The following NUP205 variants were observed in gnomAD, a reference collection of about 807,000 sequenced individuals.
NUP205 encodes nucleoporin 205, also known as nuclear pore complex protein Nup205.
A neutral mutation model predicts 253.8 loss-of-function variants in NUP205; 76 were observed. The ratio of observed to expected loss-of-function variants is 0.30; its 90% CI spans 0.25 to 0.36. NUP205 has a LOEUF of 0.36. Ranked by LOEUF, NUP205 falls within the 10% of genes least tolerant of loss-of-function variation. The probability of loss-of-function intolerance (pLI) is 1.00; values close to 1 mark genes in which losing one functional copy is unlikely to be tolerated. For missense variants in NUP205, 2,162 were observed against 2,425.5 expected, an observed-to-expected ratio of 0.89 and a Z score of 2.28; for synonymous variants, 832 against 850.1, an observed-to-expected ratio of 0.98 and a Z score of 0.37.
intron 33 of NUP205, among the ~76,000 whole-genome samples, chr7:135,626,581 C>A (rs958012811): frequency 6.6e-6 from 1 of 151,174 alleles, no homozygotes; most frequent in Non-Finnish European, 1.5e-5. Flanking sequence ...TGTACTTGCC[C>A]AATGTTATTA....
At chr7:135,604,733 A>G (rs1794049824) in intron 19 of NUP205, among the ~76,000 whole-genome samples, 2 of 152,216 alleles carry the variant, frequency 1.3e-5, no homozygotes, top group African/African-American at 4.8e-5. Flanking sequence ...AGCACGTTCA[A>G]AATGATTAGG....
intron 24 of NUP205, among the ~76,000 whole-genome samples, 182 bp from the exon 25 acceptor site, chr7:135,616,473 T>G (rs1201025741): frequency 6.6e-6 from 1 of 152,224 alleles, no homozygotes; most frequent in African/African-American, 2.4e-5. Flanking sequence ...CAGAAATAAT[T>G]AGATTAATGT....
At chr7:135,606,626 TGATA>T (rs1384702032) in intron 20 of NUP205, 121 bp from the exon 21 acceptor site, 28 of 696,544 alleles carry the variant, frequency 4.0e-5, no homozygotes, top group East Asian at 1.3e-4. Context: ...GAAATGAATG[TGATA>T]GATAATCAGG....
intron 5 of NUP205, 127 bp downstream of exon 5, chr7:135,577,255 C>CT (rs200543537): frequency 4.2e-4 from 376 of 888,424 alleles, no homozygotes; most frequent in Non-Finnish European, 4.9e-4. Flanking sequence ...TGCCACTTTT[C>CT]TTTTTTTTTG....
chr7:135,571,234 T>G lies in NUP205; in HGVS notation c.158T>G (p.Leu53Trp). ...LKKHKPDFISLFKNPPKNVQQ... is the reference protein window; with the variant it reads ...LKKHKPDFISWFKNPPKNVQQ... ...AAACACAAACCTGACTTCATCTCAT[T>G]GTTCAAAAATCCGGTAAGAAATTTT... Residue 53 changes from leucine (L) to tryptophan (W), a missense_variant, in exon 2 of 43, where the codon TTG becomes TGG. Around this residue, in one of 5 missense-constraint regions of NUP205, gnomAD observed 109 missense variants for 131.8 expected, o/e 0.83. Coordinates refer to ENST00000285968, the MANE Select transcript of NUP205 (RefSeq NM_015135.3). 1 of 1,397,516 alleles carries G rather than the reference T, an allele frequency of 7.2e-7. No homozygotes were observed. The highest frequency in any genetic ancestry group is 1.9e-4 in the Middle Eastern group (1 of 5,232). The allele number at this position is 1,397,516 out of a possible 1,614,324, so 86.6% of individuals were successfully genotyped here.
intron 10 of NUP205, among the ~76,000 whole-genome samples, chr7:135,589,172 T>TA (rs746919932): frequency 0.032 from 4,442 of 139,960 alleles, 209 homozygotes; most frequent in South Asian, 0.082. Flanking sequence ...CCTGACTCTT[T>TA]AAAAAAAAAA....
chr7:135,585,027 A>ATGAG lies in NUP205; in HGVS notation c.1218+22_1218+25dup. On this transcript the variant is annotated intron_variant, in intron 8 of 42. Coordinates refer to ENST00000285968, the MANE Select transcript of NUP205 (RefSeq NM_015135.3). ...ATGAAGGTAAGTGTAATAATGTAGGATGAGTAAATAGTAGAAGAATTTTAT... is the reference window on the plus strand; with the variant it reads ...ATGAAGGTAAGTGTAATAATGTAGGATGAGTGAGTAAATAGTAGAAGAATTTTAT... 1 of 1,555,422 alleles carries ATGAG rather than the reference A, an allele frequency of 6.4e-7. No homozygotes were observed. The highest frequency in any genetic ancestry group is 8.8e-7 in the Non-Finnish European group (1 of 1,136,822).
At chr7:135,625,435 G>T in intron 32 of NUP205, 80 bp downstream of exon 32, 2 of 1,032,964 alleles carry the variant, frequency 1.9e-6, no homozygotes, top group Non-Finnish European at 2.8e-6. Context: ...AAATTAATGT[G>T]GCATACATTC....
chr7:135,618,631 C>T (rs374630365), intron 28 of NUP205, 28 bp downstream of exon 28: 1 of 1,497,628 alleles, frequency 6.7e-7, no homozygotes, highest in Non-Finnish European at 9.0e-7. Context: ...ATACTTTATA[C>T]TGCTGAACGA....
Position 135,571,119 on chromosome 7 carries a change from GGTC to G in NUP205, c.44_46del (p.Gly15_Pro16delinsAla). 6.4e-7 allele frequency: 1 copy of G among 1,552,938 alleles called. No homozygotes were observed. Among genetic ancestry groups the G allele is most frequent in the Non-Finnish European group, 8.7e-7 (1 of 1,150,104 alleles). On this transcript the variant is annotated inframe_deletion, in exon 2 of 43. Transcript: ENST00000285968. ...TTTTCTTTAAGCTGCTAGTCTATGG[GGTC>G]CTTACAAAGACATTTGGCATAAAGT... is the stretch of plus-strand genomic sequence containing the variant.
intron 2 of NUP205, 47 bp downstream of exon 2, chr7:135,571,294 A>G: frequency 2.5e-6 from 3 of 1,208,730 alleles, no homozygotes; most frequent in East Asian, 5.7e-5. Context: ...TTTTTTTTTA[A>G]GATCGAGGAA....
intron 1 of NUP205, among the ~76,000 whole-genome samples, chr7:135,558,713 A>G (rs981449694): frequency 4.6e-5 from 7 of 152,174 alleles, no homozygotes; most frequent in African/African-American, 1.7e-4. Context: ...CTGCTGTCGC[A>G]TAGTAGGCGG....
chr7:135,590,101 TTTTATTTA>T lies in NUP205; in HGVS notation c.1474-1329_1474-1322del, dbSNP rs34590734. ...GTTTGCTTCATCTACTATATTATTA[TTTTATTTA>T]TTTATTTATTTATTTATTTTGAGAC... On this transcript the variant is annotated intron_variant, in intron 10 of 42. Coordinates refer to ENST00000285968, the MANE Select transcript of NUP205 (RefSeq NM_015135.3). Among the ~76,000 whole-genome samples the T allele has an allele frequency of 6.0e-5, 9 of 149,966 alleles. 1 individual carries two copies. The South Asian group carries it at 1.5e-3, about 25-fold the overall frequency.
rs1317656478 is a variant in NUP205 at position 135,626,241 on chromosome 7, C to G, written c.4673C>G (p.Ala1558Gly). 10 of 1,614,048 alleles carry G rather than the reference C, an allele frequency of 6.2e-6. No individual in the cohort carries two copies. The highest frequency in any genetic ancestry group is 1.3e-5 in the African/African-American group (1 of 75,030). The change falls in exon 33 of 43, where the codon GCA (alanine) becomes GGA (glycine). Residue 1558 changes from alanine (A) to glycine (G), a missense_variant and splice_region_variant. By Grantham distance (60) the Ala-to-Gly change is moderately conservative (BLOSUM62 0). Transcript: ENST00000285968. ...GATTTTTCTCTTGTAACTCCTCAGG[C>G]ATTTCTCACAAGAGTGGCAAAGATA... ...KALYTYESKM[A>G]FLTRVAKIQQ...
intron 1 of NUP205, among the ~76,000 whole-genome samples, chr7:135,566,724 A>G (rs530269518): frequency 4.6e-5 from 7 of 151,666 alleles, no homozygotes; most frequent in African/African-American, 1.7e-4. Context: ...TATCTTTGGA[A>G]TTATTTGTTT....
intron 1 of NUP205, among the ~76,000 whole-genome samples, chr7:135,560,322 G>A (rs1255692321): frequency 6.6e-6 from 1 of 152,110 alleles, no homozygotes; most frequent in East Asian, 1.9e-4. Context: ...GTACATACTC[G>A]CCCTAAGCTA....
chr7:135,625,442 A>G (rs1794570894), intron 32 of NUP205, 87 bp downstream of exon 32: 3 of 978,330 alleles, frequency 3.1e-6, no homozygotes, highest in Admixed American at 5.4e-5. Context: ...TGTGGCATAC[A>G]TTCTGAATAT....
At position 135,626,255 on chromosome 7, in the gene NUP205, G is replaced by A. The variant is rs767960723; in HGVS notation, c.4687G>A (p.Val1563Met). ...AACTCCTCAGGCATTTCTCACAAGA[G>A]TGGCAAAGATACAGCAGGGTGCATT... ...YESKMAFLTR[V>M]AKIQQGALEL... is the part of the protein sequence containing the mutation. The change falls in exon 33 of 43, where the codon GTG (valine) becomes ATG (methionine). Residue 1563 changes from valine (V) to methionine (M), a missense_variant. Coordinates refer to ENST00000285968, the MANE Select transcript of NUP205 (RefSeq NM_015135.3). 1 of 1,614,166 alleles carries A rather than the reference G, an allele frequency of 6.2e-7. No individual in the cohort carries two copies. The highest frequency in any genetic ancestry group is 8.5e-7 in the Non-Finnish European group (1 of 1,180,010).
intron 1 of NUP205, among the ~76,000 whole-genome samples, chr7:135,563,535 A>G (rs1487560264): frequency 1.3e-5 from 2 of 152,242 alleles, no homozygotes; most frequent in East Asian, 3.9e-4. Context: ...TCCTCACTGC[A>G]GTATAATCTT....
Sources: gnomAD v4.1 joint callset for allele counts (sites outside exome capture counted in the v4.1 genomes callset) on GRCh38, gnomAD v4.1.1 for gene constraint, gnomAD v4.1.1 regional missense constraint, MANE v1.5 for transcripts, NCBI Gene and HGNC (gene_info 2026-07-23, HGNC 2026-07-21) for gene names.